CHN2: variants seen among roughly 807,000 people sequenced by gnomAD.
CHN2 encodes beta-chimaerin.
Under a neutral mutation model 56.3 loss-of-function variants are expected in CHN2, and 35 were observed. The observed-to-expected ratio is 0.62, with a 90% CI of 0.47 to 0.82. CHN2 has a LOEUF of 0.82. Ranked by LOEUF, CHN2 falls within the 40% of genes least tolerant of loss-of-function variation. CHN2 has a pLI of 0.00. For synonymous variants in CHN2, 210 were observed against 212.8 expected, an observed-to-expected ratio of 0.99 and a Z score of 0.12; for missense variants, 491 against 580.5, an observed-to-expected ratio of 0.85 and a Z score of 1.58.
intron 2 of CHN2, among the ~76,000 whole-genome samples, chr7:29,169,913 GT>G (rs1208556131): frequency 2.0e-5 from 3 of 151,608 alleles, no homozygotes; most frequent in Admixed American, 2.0e-4. Context: ...TTGCTGCTCT[GT>G]TGCTCAGGCT....
At chr7:29,499,846 A>T (rs1479049540) in intron 8 of CHN2, 21 bp from the exon 9 acceptor site, 4 of 1,545,200 alleles carry the variant, frequency 2.6e-6, no homozygotes, top group African/African-American at 1.4e-5. Context: ...GGCTAGGCTA[A>T]TGTGGCTTCT....
intron 1 of CHN2, among the ~76,000 whole-genome samples, chr7:29,221,007 A>G (rs965261071): frequency 6.6e-6 from 1 of 152,230 alleles, no homozygotes; most frequent in Admixed American, 6.5e-5. Context: ...AAAGAATCAA[A>G]GAGGAAAATT....
rs55722880 is a variant in CHN2, at chr7:29,273,343, GTATATATATATATATATATA to G, written c.49+78380_49+78399del. 9.3e-4 allele frequency among the ~76,000 whole-genome samples: 54 copies of G among 58,192 alleles called. 1 individual carries two copies. Among genetic ancestry groups the G allele is most frequent in the African/African-American group, 2.8e-3 (43 of 15,600 alleles). 38.2% of individuals were successfully genotyped at this position (58,192 alleles called of 152,430 possible). A position where few individuals can be genotyped will look rare whatever the true frequency, so the allele number is the denominator to read the frequency against. On this transcript the variant is annotated intron_variant, in intron 1 of 12. Coordinates refer to ENST00000222792, the MANE Select transcript of CHN2 (RefSeq NM_004067.4). ...CCATCATGCATATATATATATATGT[GTATATATATATATATATATA>G]TATATATATATATATATATATATAT... is the stretch of plus-strand genomic sequence containing the variant.
intron 2 of CHN2, among the ~76,000 whole-genome samples, chr7:29,165,379 C>A (rs558572838): frequency 7.9e-5 from 12 of 152,132 alleles, no homozygotes; most frequent in African/African-American, 2.9e-4. Context: ...ACTCTTTATC[C>A]TTTAACCTTG....
intron 2 of CHN2, among the ~76,000 whole-genome samples, chr7:29,356,984 A>G (rs1023885164): frequency 1.3e-5 from 2 of 152,220 alleles, no homozygotes; most frequent in East Asian, 3.9e-4. Context: ...CCACCACCGA[A>G]AGCTTTGCTG....
chr7:29,386,354 C>A (rs960832768), intron 3 of CHN2, among the ~76,000 whole-genome samples: 17 of 152,186 alleles, frequency 1.1e-4, no homozygotes, highest in Admixed American at 6.5e-5. Flanking sequence ...CCTTTTCTCC[C>A]CTACTTGATC....
chr7:29,471,832 C>A (rs1472715003), intron 6 of CHN2, among the ~76,000 whole-genome samples: 1 of 152,162 alleles, frequency 6.6e-6, no homozygotes, highest in East Asian at 1.9e-4. Context: ...CAGGACTATA[C>A]AGCTTGAACT....
chr7:29,319,985 G>A (rs1333753267), intron 1 of CHN2, among the ~76,000 whole-genome samples: 2 of 152,168 alleles, frequency 1.3e-5, no homozygotes. Context: ...TATGTGTAAA[G>A]TGGGGAATTG....
At chr7:29,249,968 GC>G (rs1364632178) in intron 1 of CHN2, among the ~76,000 whole-genome samples, 1 of 152,152 alleles carries the variant, frequency 6.6e-6, no homozygotes, top group Non-Finnish European at 1.5e-5. Flanking sequence ...CTACTCTCTT[GC>G]CTGGTGAAGA....
chr7:29,472,168 G>C (rs1193641572), intron 6 of CHN2, among the ~76,000 whole-genome samples: 1 of 151,400 alleles, frequency 6.6e-6, no homozygotes. Context: ...AAGGAATAGA[G>C]AACCAGCTCC....
intron 6 of CHN2, among the ~76,000 whole-genome samples, chr7:29,475,837 T>C (rs1371510911): frequency 6.6e-6 from 1 of 152,136 alleles, no homozygotes; most frequent in Non-Finnish European, 1.5e-5. Context: ...GGCAAATTCA[T>C]AGAGACAGAA....
At chr7:29,240,974 C>G (rs921035166) in intron 1 of CHN2, among the ~76,000 whole-genome samples, 10 of 152,246 alleles carry the variant, frequency 6.6e-5, no homozygotes, top group Middle Eastern at 3.4e-3. Context: ...CAACCTCCAC[C>G]TGCCAGGTTT....
chr7:29,453,699 G>C (rs1784556062), intron 6 of CHN2, among the ~76,000 whole-genome samples: 2 of 152,170 alleles, frequency 1.3e-5, no homozygotes, highest in Admixed American at 1.3e-4. Context: ...GGTCATTCCA[G>C]GGTTTATTAG....
At chr7:29,467,861 G>A (rs1222958352) in intron 6 of CHN2, among the ~76,000 whole-genome samples, 3 of 152,294 alleles carry the variant, frequency 2.0e-5, no homozygotes, top group Non-Finnish European at 2.9e-5. Flanking sequence ...CTGGCACAAC[G>A]TGAGCTCAAT....
rs369802016 is a variant in CHN2 at position 29,513,552 on chromosome 7, G to A, written c.*817G>A. 1.6e-4 allele frequency: 24 copies of A among 152,158 alleles called. No homozygotes were observed. The highest frequency in any genetic ancestry group is 5.6e-4 in the African/African-American group (23 of 41,436). The allele number at this position is 152,158 out of a possible 1,614,324, so 9.4% of individuals were successfully genotyped here. On this transcript the variant is annotated 3_prime_UTR_variant, in exon 13 of 13. Transcript: ENST00000222792. Reference sequence around the variant, plus strand: ...GTGTATCCCAGAAGATACAGAATGCGGTCATTTTACCTGAAATTATTTGAG... The same window carrying A: ...GTGTATCCCAGAAGATACAGAATGCAGTCATTTTACCTGAAATTATTTGAG...
chr7:29,496,242 A>C (rs561376917), intron 8 of CHN2, among the ~76,000 whole-genome samples: 31 of 145,462 alleles, frequency 2.1e-4, no homozygotes, highest in African/African-American at 7.5e-4. Context: ...ATGCAAGAAA[A>C]GAAAAAAAAA....
chr7:29,198,282 G>A (rs768943141), intron 1 of CHN2, among the ~76,000 whole-genome samples: 3 of 152,222 alleles, frequency 2.0e-5, no homozygotes, highest in Non-Finnish European at 4.4e-5. Context: ...AGGTATGTTT[G>A]TGTTTGCAGA....
chr7:29,370,082 A>G (rs1387857857), intron 3 of CHN2, among the ~76,000 whole-genome samples: 1 of 152,168 alleles, frequency 6.6e-6, no homozygotes, highest in Non-Finnish European at 1.5e-5. Context: ...TGCTGGAAGA[A>G]CAGGTGCTGC....
chr7:29,307,092 C>G (rs910855069), intron 1 of CHN2, among the ~76,000 whole-genome samples: 1 of 152,168 alleles, frequency 6.6e-6, no homozygotes, highest in East Asian at 1.9e-4. Flanking sequence ...TTCGCTGATT[C>G]GCCTTCAGCT....
Sources: allele counts gnomAD v4.1 joint callset (sites outside exome capture counted in the v4.1 genomes callset), GRCh38; gene constraint gnomAD v4.1.1; transcripts MANE v1.5; gene names NCBI Gene and HGNC (gene_info 2026-07-23, HGNC 2026-07-21).